Variants in NCAM2 observed in about 807,000 individuals in gnomAD.
NCAM2 encodes the protein N-CAM-2.
In NCAM2, 30 loss-of-function variants were observed where a neutral mutation model predicts 98.1. The observed-to-expected ratio is 0.31, with a 90% CI of 0.23 to 0.41. The LOEUF is 0.41. NCAM2 is among the 10% of genes least tolerant of loss of function. NCAM2 has a pLI of 1.00. For synonymous variants in NCAM2, 368 were observed against 342.4 expected, an observed-to-expected ratio of 1.07 and a Z score of -0.83; for missense variants, 867 against 1,005.8, an observed-to-expected ratio of 0.86 and a Z score of 1.87.
chr21:21,284,086 A>G (rs969528501), intron 2 of NCAM2, 108 bp from the exon 3 acceptor site: 3 of 639,716 alleles, frequency 4.7e-6, no homozygotes, highest in Non-Finnish European at 7.1e-6. Flanking sequence ...AGTCTGTTAC[A>G]TAATTTTTTT....
intron 5 of NCAM2, among the ~76,000 whole-genome samples, chr21:21,321,968 T>C (rs2074385580): frequency 6.6e-6 from 1 of 152,096 alleles, no homozygotes; most frequent in Admixed American, 6.6e-5. Context: ...ACTGGGTAAA[T>C]ACCAAAAGGA....
At chr21:21,364,735 A>C (rs548299641) in intron 8 of NCAM2, among the ~76,000 whole-genome samples, 1 of 152,090 alleles carries the variant, frequency 6.6e-6, no homozygotes, top group South Asian at 2.1e-4. Context: ...TAAAATTAAT[A>C]CTTTGAATAA....
chr21:21,164,019 G>A (rs527383160), intron 1 of NCAM2, among the ~76,000 whole-genome samples: 40 of 152,212 alleles, frequency 2.6e-4, no homozygotes, highest in African/African-American at 9.6e-4. Context: ...CACTGCAAGT[G>A]TACTTGGAAG....
chr21:21,248,116 A>G (rs1436507175), intron 1 of NCAM2, among the ~76,000 whole-genome samples: 1 of 14,290 alleles, frequency 7.0e-5, no homozygotes, highest in Non-Finnish European at 9.3e-3. Flanking sequence ...TAAACTCTAC[A>G]TGTATATGGA....
At position 21,347,151 on chromosome 21, in the gene NCAM2, A is replaced by C. The variant is rs367543470; in HGVS notation, c.1044+8617A>C. On this transcript the variant is annotated intron_variant, in intron 8 of 17. Coordinates refer to ENST00000400546, the MANE Select transcript of NCAM2 (RefSeq NM_004540.5). Reference sequence around the variant, plus strand: ...CAGACTAAGAAACAAAGAAGATACAAGTAAATACAGTTATAAATGAAAAAA... The same window carrying C: ...CAGACTAAGAAACAAAGAAGATACACGTAAATACAGTTATAAATGAAAAAA... Among the ~76,000 whole-genome samples, 32 of 152,124 alleles carry C rather than the reference A, an allele frequency of 2.1e-4. No individual in the cohort carries two copies. In the East Asian group the frequency reaches 4.2e-3, roughly 20 times the overall value.
chr21:21,178,552 A>G (rs2068367533), intron 1 of NCAM2, among the ~76,000 whole-genome samples: 1 of 152,090 alleles, frequency 6.6e-6, no homozygotes, highest in Admixed American at 6.6e-5. Context: ...AGAATATACT[A>G]TACATTATGT....
At chr21:21,474,714 A>G (rs1302412002) in intron 14 of NCAM2, among the ~76,000 whole-genome samples, 1 of 152,080 alleles carries the variant, frequency 6.6e-6, no homozygotes, top group East Asian at 1.9e-4. Context: ...CTGCTGCCTC[A>G]TGGATCCCTT....
Position 21,486,110 on chromosome 21 carries a change from C to A in NCAM2, c.2077+8639C>A, listed in dbSNP as rs549423651. Among the ~76,000 whole-genome samples the A allele has an allele frequency of 4.6e-5, 7 of 151,888 alleles. No homozygotes were observed. The South Asian group carries it at 1.3e-3, about 27-fold the overall frequency. ...CGAGGTCAGGAGATTGAGACCATCC[C>A]GGCTAACACGGTAAAACCCCGTCTC... On this transcript the variant is annotated intron_variant, in intron 15 of 17. Coordinates refer to ENST00000400546, the MANE Select transcript of NCAM2 (RefSeq NM_004540.5).
intron 1 of NCAM2, among the ~76,000 whole-genome samples, chr21:21,197,783 T>A (rs2069057811): frequency 1.3e-5 from 2 of 152,168 alleles, no homozygotes; most frequent in Admixed American, 6.5e-5. Flanking sequence ...TAAGAAACAG[T>A]AGACTGAGCT....
At chr21:21,320,123 A>G (rs2074336634) in intron 5 of NCAM2, among the ~76,000 whole-genome samples, 1 of 152,172 alleles carries the variant, frequency 6.6e-6, no homozygotes, top group Admixed American at 6.5e-5. Flanking sequence ...TCACGGCTTT[A>G]CTATATTCAC....
chr21:21,039,027 A>AC (rs1307066768), intron 1 of NCAM2, among the ~76,000 whole-genome samples: 1 of 152,126 alleles, frequency 6.6e-6, no homozygotes, highest in African/African-American at 2.4e-5. Context: ...AGATTTGTTT[A>AC]TTCTATTAAT....
chr21:21,366,554 A>G (rs1421083498), intron 8 of NCAM2, among the ~76,000 whole-genome samples: 1 of 152,070 alleles, frequency 6.6e-6, no homozygotes, highest in Non-Finnish European at 1.5e-5. Context: ...CTTTCAATAC[A>G]AAAGTCTGTA....
intron 5 of NCAM2, among the ~76,000 whole-genome samples, chr21:21,310,896 A>T (rs950332689): frequency 6.6e-6 from 1 of 152,190 alleles, no homozygotes; most frequent in Non-Finnish European, 1.5e-5. Flanking sequence ...TATCTTTTCC[A>T]GAGTGCCATA....
chr21:21,437,555 C>A (rs570429863), intron 12 of NCAM2, among the ~76,000 whole-genome samples: 14 of 149,770 alleles, frequency 9.3e-5, no homozygotes, highest in South Asian at 4.2e-4. Flanking sequence ...CCGGTTTATG[C>A]AGGGATCCCC....
chr21:21,061,131 T>C (rs9680353), intron 1 of NCAM2, among the ~76,000 whole-genome samples: 9,766 of 152,200 alleles, frequency 0.064, 739 homozygotes, highest in African/African-American at 0.18. Flanking sequence ...CAGCTGTAGG[T>C]ATTAAGTGAT....
At chr21:21,172,906 A>G (rs1601562939) in intron 1 of NCAM2, among the ~76,000 whole-genome samples, 1 of 152,250 alleles carries the variant, frequency 6.6e-6, no homozygotes, top group African/African-American at 2.4e-5. Flanking sequence ...AAATTAGAAA[A>G]TAAAATATTT....
At chr21:21,359,026 T>G (rs911578372) in intron 8 of NCAM2, among the ~76,000 whole-genome samples, 1 of 152,000 alleles carries the variant, frequency 6.6e-6, no homozygotes, top group East Asian at 1.9e-4. Flanking sequence ...AAAACAAAAG[T>G]CAACTTCTGA....
chr21:21,418,792 A>AT (rs2077046236), intron 11 of NCAM2, among the ~76,000 whole-genome samples: 1 of 152,142 alleles, frequency 6.6e-6, no homozygotes, highest in Non-Finnish European at 1.5e-5. Flanking sequence ...ATTACAAAGA[A>AT]TAAGATATGC....
At chr21:21,527,846 G>A (rs1989411753) in intron 16 of NCAM2, among the ~76,000 whole-genome samples, 2 of 152,276 alleles carry the variant, frequency 1.3e-5, no homozygotes, top group South Asian at 2.1e-4. Flanking sequence ...GAGCTCCTTA[G>A]TATTTACCCA....
Sources: gnomAD v4.1 joint callset for allele counts (sites outside exome capture counted in the v4.1 genomes callset) on GRCh38, gnomAD v4.1.1 for gene constraint, MANE v1.5 for transcripts, NCBI Gene and HGNC (gene_info 2026-07-23, HGNC 2026-07-21) for gene names.